The following RBPJ variants were observed in gnomAD, a reference collection of about 807,000 sequenced individuals.
RBPJ encodes recombining binding protein suppressor of hairless.
Under a neutral mutation model 67.8 loss-of-function variants are expected in RBPJ, and 9 were observed. The ratio of observed to expected loss-of-function variants is 0.13; its 90% CI spans 0.08 to 0.23. The LOEUF is 0.23. Among genes scored for constraint, RBPJ ranks in the 10% least tolerant of loss-of-function variants. The pLI is 1.00. For missense variants in RBPJ, 305 were observed against 595.6 expected, an observed-to-expected ratio of 0.51 and a Z score of 5.08; for synonymous variants, 198 against 203.3, an observed-to-expected ratio of 0.97 and a Z score of 0.22.
In RBPJ at chr4:26,321,048, G is replaced by A. The variant is rs372013726; in HGVS notation, c.20G>A (p.Gly7Glu). 1.2e-6 allele frequency: 2 copies of A among 1,610,538 alleles called. No homozygotes were observed. The highest frequency in any genetic ancestry group is 2.7e-5 in the African/African-American group (2 of 74,826). Residue 7 changes from glycine to glutamate, a missense_variant and splice_region_variant, in exon 1 of 11, where the codon GGG becomes GAG. Coordinates refer to ENST00000355476, the MANE Select transcript of RBPJ (RefSeq NM_015874.6). MAPVVT[G>E]KFGERPPPKR... Reference sequence around the variant, plus strand: ...TGGAAGATGGCGCCTGTTGTGACAGGGTAAGTCTGAGGGAATCGGAGCGCC... The same window carrying A: ...TGGAAGATGGCGCCTGTTGTGACAGAGTAAGTCTGAGGGAATCGGAGCGCC...
chr4:26,416,272 C>T (rs1049254548), intron 4 of RBPJ, among the ~76,000 whole-genome samples: 3 of 151,212 alleles, frequency 2.0e-5, no homozygotes, highest in Non-Finnish European at 4.4e-5. Context: ...TTTTTTTCTT[C>T]CCCCGGGACA....
intron 1 of RBPJ, among the ~76,000 whole-genome samples, chr4:26,346,399 C>G (rs1468409398): frequency 1.3e-5 from 2 of 152,112 alleles, no homozygotes; most frequent in African/African-American, 4.8e-5. Flanking sequence ...GGAAGGCTGG[C>G]TGCCTAATCT....
At chr4:26,421,163 C>T (rs1490025737) in intron 5 of RBPJ, among the ~76,000 whole-genome samples, 2 of 152,170 alleles carry the variant, frequency 1.3e-5, no homozygotes, top group African/African-American at 2.4e-5. Context: ...TCCTGAGAAT[C>T]TAAACACAAT....
chr4:26,205,765 G>A (rs991234139), intron 1 of RBPJ, among the ~76,000 whole-genome samples: 3 of 151,916 alleles, frequency 2.0e-5, no homozygotes, highest in Admixed American at 1.3e-4. Context: ...GCTAATTTTT[G>A]TATTTTTAGT....
intron 1 of RBPJ, among the ~76,000 whole-genome samples, chr4:26,306,321 T>C (rs1235122537): frequency 6.6e-6 from 1 of 152,148 alleles, no homozygotes; most frequent in East Asian, 1.9e-4. Context: ...TTTTATCAGG[T>C]TGAGAAAGTT....
At chr4:26,231,779 C>T (rs553756731) in intron 1 of RBPJ, among the ~76,000 whole-genome samples, 1 of 151,782 alleles carries the variant, frequency 6.6e-6, no homozygotes, top group South Asian at 2.1e-4. Flanking sequence ...GAACTCGTGA[C>T]CTCAGGTGAT....
intron 1 of RBPJ, among the ~76,000 whole-genome samples, chr4:26,368,993 T>A (rs147267309): frequency 6.6e-6 from 1 of 152,210 alleles, no homozygotes; most frequent in Admixed American, 6.5e-5. Flanking sequence ...AATCTGTTCT[T>A]TCCCCTACCC....
chr4:26,255,767 A>C (rs111645160), intron 1 of RBPJ, among the ~76,000 whole-genome samples: 371 of 149,400 alleles, frequency 2.5e-3, no homozygotes, highest in African/African-American at 8.9e-3. Flanking sequence ...GTGCCACTGC[A>C]CTCCAGCCTG....
intron 1 of RBPJ, among the ~76,000 whole-genome samples, chr4:26,255,398 C>T (rs1190603185): frequency 3.6e-5 from 3 of 82,748 alleles, no homozygotes; most frequent in Non-Finnish European, 6.2e-5. Context: ...AGCGAGACTC[C>T]GTCTCAAAAA....
chr4:26,415,744 G>A, intron 4 of RBPJ, 104 bp downstream of exon 4: 2 of 1,128,018 alleles, frequency 1.8e-6, no homozygotes, highest in Admixed American at 2.6e-5. Context: ...ATAACTATTG[G>A]TAACAATTTC....
chr4:26,250,552 C>G (rs2109235272), intron 1 of RBPJ, among the ~76,000 whole-genome samples: 1 of 152,168 alleles, frequency 6.6e-6, no homozygotes, highest in South Asian at 2.1e-4. Flanking sequence ...AGGCTGGTGT[C>G]AAACTCCTGA....
chr4:26,374,571 G>T (rs1426593312), intron 1 of RBPJ, among the ~76,000 whole-genome samples: 1 of 151,698 alleles, frequency 6.6e-6, no homozygotes, highest in African/African-American at 2.4e-5. Context: ...ATCCCCCAGG[G>T]TTCAAGCAAT....
chr4:26,329,936 GTAGGTGCTCAATAAA>G (rs938813565), intron 1 of RBPJ, among the ~76,000 whole-genome samples: 15 of 151,960 alleles, frequency 9.9e-5, no homozygotes, highest in Non-Finnish European at 2.2e-4. Flanking sequence ...TCTGGTAATA[GTAGGTGCTCAATAAA>G]TAGGTTCTCC....
intron 2 of RBPJ, among the ~76,000 whole-genome samples, chr4:26,393,106 C>G (rs915590803): frequency 1.3e-5 from 2 of 152,156 alleles, no homozygotes; most frequent in African/African-American, 4.8e-5. Context: ...CTTGGCTTCC[C>G]AAGGTGCTGG....
At chr4:26,319,760 G>A (rs936068042), upstream of RBPJ, 10 of 1,020,250 alleles carry the variant, frequency 9.8e-6, no homozygotes, top group Non-Finnish European at 1.4e-5. Flanking sequence ...ATCCTGCAGC[G>A]CCTTCAACAG....
At chr4:26,156,170 A>G in the RBPJ span, among the ~76,000 whole-genome samples, 1 of 152,186 alleles carries the variant, frequency 6.6e-6, no homozygotes, top group Non-Finnish European at 1.5e-5. Context: ...GTATAAAAAT[A>G]CCTAGTGCAC....
At chr4:26,188,954 T>C (rs1192041828) in intron 1 of RBPJ, among the ~76,000 whole-genome samples, 1 of 152,242 alleles carries the variant, frequency 6.6e-6, no homozygotes, top group Non-Finnish European at 1.5e-5. Context: ...ATACAGTATG[T>C]TATTAAAATT....
intron 1 of RBPJ, among the ~76,000 whole-genome samples, chr4:26,195,673 C>T (rs1391857400): frequency 6.6e-6 from 1 of 152,148 alleles, no homozygotes; most frequent in Non-Finnish European, 1.5e-5. Context: ...TGGCTCACTG[C>T]AACCTCCGCC....
chr4:26,304,681 T>C (rs1336050930), intron 1 of RBPJ, among the ~76,000 whole-genome samples: 1 of 152,216 alleles, frequency 6.6e-6, no homozygotes, highest in Non-Finnish European at 1.5e-5. Flanking sequence ...CATTTTTAAT[T>C]GAACGATTTG....
Sources: allele counts gnomAD v4.1 joint callset (sites outside exome capture counted in the v4.1 genomes callset), GRCh38; gene constraint gnomAD v4.1.1; transcripts MANE v1.5; gene names NCBI Gene and HGNC (gene_info 2026-07-23, HGNC 2026-07-21).